CACNA2D3: variants seen among roughly 807,000 people sequenced by gnomAD.
CACNA2D3 encodes calcium voltage-gated channel auxiliary subunit alpha2delta 3.
Under a neutral mutation model 160.6 loss-of-function variants are expected in CACNA2D3, and 60 were observed. The ratio of observed to expected loss-of-function variants is 0.37; its 90% confidence interval spans 0.30 to 0.46. CACNA2D3 has a LOEUF of 0.46. Among genes scored for constraint, CACNA2D3 ranks in the 20% least tolerant of loss-of-function variants. CACNA2D3 has a pLI of 1.00. For synonymous variants in CACNA2D3, 558 were observed against 492.9 expected (o/e 1.13, Z -1.75); for missense variants, 1,205 against 1,365.0 (o/e 0.88, Z 1.85).
chr3:55,061,083 A>G lies in CACNA2D3; in HGVS notation c.2988-12362A>G, dbSNP rs150824763. Among the ~76,000 whole-genome samples the G allele has an allele frequency of 8.4e-3, 1,283 of 152,344 alleles. 19 individuals are homozygous for G. Among genetic ancestry groups the G allele is most frequent in the African/African-American group, 0.028 (1,184 of 41,586 alleles). On this transcript the variant is annotated intron_variant, in intron 35 of 37. Coordinates refer to ENST00000474759, the MANE Select transcript of CACNA2D3 (RefSeq NM_018398.3). ...TCATTATCATGGCTCTTACTGATGC[A>G]TTCTGTCTACAACAGAATAAATACC...
intron 27 of CACNA2D3, among the ~76,000 whole-genome samples, chr3:54,966,144 C>T (rs1702144463): frequency 6.6e-6 from 1 of 151,850 alleles, no homozygotes; most frequent in South Asian, 2.1e-4. Context: ...GTGGGGGTCT[C>T]AGAAAGGGCA....
intron 2 of CACNA2D3, among the ~76,000 whole-genome samples, chr3:54,252,829 C>G (rs904947326): frequency 6.6e-6 from 1 of 152,052 alleles, no homozygotes; most frequent in Non-Finnish European, 1.5e-5. Flanking sequence ...GTGTTGAGGC[C>G]GGGAAGTAGA....
intron 14 of CACNA2D3, among the ~76,000 whole-genome samples, chr3:54,833,442 A>G (rs903474138): frequency 1.3e-5 from 2 of 152,174 alleles, no homozygotes; most frequent in African/African-American, 4.8e-5. Context: ...CTTGGAAGCC[A>G]CATGTATGAA....
At chr3:54,851,501 A>G (rs901930157) in intron 17 of CACNA2D3, among the ~76,000 whole-genome samples, 1 of 152,186 alleles carries the variant, frequency 6.6e-6, no homozygotes, top group Admixed American at 6.5e-5. Context: ...TAGGTGTACT[A>G]AGTTCACTCT....
intron 27 of CACNA2D3, among the ~76,000 whole-genome samples, chr3:54,938,213 C>T (rs1334889840): frequency 6.6e-6 from 1 of 152,214 alleles, no homozygotes; most frequent in Non-Finnish European, 1.5e-5. Context: ...CCTGCTGGGG[C>T]TCCAGTACTG....
At chr3:54,531,186 A>G (rs1280146638) in intron 5 of CACNA2D3, among the ~76,000 whole-genome samples, 1 of 152,222 alleles carries the variant, frequency 6.6e-6, no homozygotes, top group Non-Finnish European at 1.5e-5. Context: ...ATTTGTCTGA[A>G]TCTTGTTTCT....
intron 13 of CACNA2D3, among the ~76,000 whole-genome samples, chr3:54,771,543 G>T (rs1469193632): frequency 6.6e-6 from 1 of 152,144 alleles, no homozygotes; most frequent in Non-Finnish European, 1.5e-5. Flanking sequence ...CTTGCTGTCA[G>T]CTGGGGACCA....
At chr3:54,806,898 T>G (rs191194618) in intron 13 of CACNA2D3, among the ~76,000 whole-genome samples, 1 of 152,118 alleles carries the variant, frequency 6.6e-6, no homozygotes, top group Non-Finnish European at 1.5e-5. Flanking sequence ...GAAATAATGC[T>G]GCATATCTAC....
intron 5 of CACNA2D3, among the ~76,000 whole-genome samples, chr3:54,530,730 G>A (rs1174776198): frequency 6.6e-6 from 1 of 152,174 alleles, no homozygotes; most frequent in African/African-American, 2.4e-5. Context: ...ACTCAGAGAC[G>A]TTGTTTAACT....
intron 11 of CACNA2D3, among the ~76,000 whole-genome samples, chr3:54,739,943 A>T (rs1701616281): frequency 6.6e-6 from 1 of 152,130 alleles, no homozygotes; most frequent in African/African-American, 2.4e-5. Context: ...CCGCAAGGGC[A>T]GAGACCATAT....
At chr3:54,357,395 T>C (rs976189953) in intron 3 of CACNA2D3, among the ~76,000 whole-genome samples, 3 of 152,238 alleles carry the variant, frequency 2.0e-5, no homozygotes, top group African/African-American at 7.2e-5. Flanking sequence ...TCACATCTTT[T>C]ATTGAAATAT....
At chr3:54,417,620 C>T (rs759699506) in intron 4 of CACNA2D3, among the ~76,000 whole-genome samples, 23 of 152,128 alleles carry the variant, frequency 1.5e-4, no homozygotes, top group Non-Finnish European at 2.8e-4. Flanking sequence ...AATAAAATTA[C>T]CTATTATCTC....
intron 9 of CACNA2D3, among the ~76,000 whole-genome samples, chr3:54,615,894 A>G (rs548120735): frequency 6.6e-5 from 10 of 152,284 alleles, no homozygotes; most frequent in African/African-American, 2.4e-4. Flanking sequence ...GCATCATTTG[A>G]TTCTTACAGG....
chr3:54,326,795 A>G (rs1704129687), intron 3 of CACNA2D3, among the ~76,000 whole-genome samples: 1 of 152,150 alleles, frequency 6.6e-6, no homozygotes, highest in Non-Finnish European at 1.5e-5. Flanking sequence ...TCTTGTTTTC[A>G]TTTCTGATCT....
chr3:54,381,153 C>T (rs1472271390), intron 3 of CACNA2D3, among the ~76,000 whole-genome samples: 1 of 151,994 alleles, frequency 6.6e-6, no homozygotes, highest in South Asian at 2.1e-4. Flanking sequence ...ATTCCAACAC[C>T]CCATTTTAAC....
chr3:55,023,198 G>A (rs1457792272), intron 35 of CACNA2D3, among the ~76,000 whole-genome samples: 1 of 152,168 alleles, frequency 6.6e-6, no homozygotes, highest in Non-Finnish European at 1.5e-5. Flanking sequence ...ACCTTTGTAG[G>A]TAGTCTGACC....
chr3:54,939,029 A>T lies in CACNA2D3; in HGVS notation c.2450-29421A>T, dbSNP rs147600845. 2.8e-3 allele frequency among the ~76,000 whole-genome samples: 420 copies of T among 152,310 alleles called. 2 individuals carry two copies. Among genetic ancestry groups the T allele is most frequent in the African/African-American group, 9.8e-3 (406 of 41,568 alleles). ...AAACTGGGACCAAGAGGAAACTGTG[A>T]TGCTACCTCTCCATTTGGGATAATG... On this transcript the variant is annotated intron_variant, in intron 27 of 37. Coordinates refer to ENST00000474759, the MANE Select transcript of CACNA2D3 (RefSeq NM_018398.3).
intron 11 of CACNA2D3, among the ~76,000 whole-genome samples, chr3:54,643,698 C>T (rs1699574340): frequency 6.6e-6 from 1 of 152,200 alleles, no homozygotes. Flanking sequence ...AATAAACATA[C>T]ATGATGTGAA....
At chr3:54,723,101 A>T (rs1246630655) in intron 11 of CACNA2D3, among the ~76,000 whole-genome samples, 1 of 152,172 alleles carries the variant, frequency 6.6e-6, no homozygotes, top group African/African-American at 2.4e-5. Flanking sequence ...CCCAGAGAGG[A>T]GAAATCTGGC....
Sources: gnomAD v4.1 joint callset for allele counts (sites outside exome capture counted in the v4.1 genomes callset) on GRCh38, gnomAD v4.1.1 for gene constraint, MANE v1.5 for transcripts, NCBI Gene and HGNC (gene_info 2026-07-23, HGNC 2026-07-21) for gene names.